The following FNIP1 variants were observed in gnomAD, a reference collection of about 807,000 sequenced individuals.
FNIP1 encodes folliculin-interacting protein 1.
In FNIP1, 40 loss-of-function variants were observed where a neutral mutation model predicts 124.5. That is an observed-to-expected ratio of 0.32 (90% confidence interval 0.25 to 0.42). The LOEUF (loss-of-function observed/expected upper bound fraction) is 0.42. Ranked by LOEUF, FNIP1 falls within the 10% of genes least tolerant of loss-of-function variation. The probability of loss-of-function intolerance (pLI) is 1.00; values close to 1 mark genes in which losing one functional copy is unlikely to be tolerated. For missense variants in FNIP1, 1,176 were observed against 1,403.7 expected, an observed-to-expected ratio of 0.84 and a Z score of 2.59; for synonymous variants, 472 against 470.6, an observed-to-expected ratio of 1.00 and a Z score of -0.04.
At chr5:131,676,091 G>C (rs927929146) in intron 13 of FNIP1, among the ~76,000 whole-genome samples, 6 of 150,312 alleles carry the variant, frequency 4.0e-5, no homozygotes, top group African/African-American at 1.5e-4. Context: ...GCATGATCTC[G>C]GCTCACTGCA....
At chr5:131,713,478 A>G (rs190211433) in intron 6 of FNIP1, among the ~76,000 whole-genome samples, 13 of 152,338 alleles carry the variant, frequency 8.5e-5, no homozygotes, top group African/African-American at 2.6e-4. Context: ...ATGATTCTCA[A>G]ATCCACAGAA....
chr5:131,723,662 G>C (rs1769749784), intron 3 of FNIP1, among the ~76,000 whole-genome samples: 1 of 152,070 alleles, frequency 6.6e-6, no homozygotes, highest in Admixed American at 6.5e-5. Context: ...GTTAAACCCT[G>C]TGTAACTCAA....
intron 11 of FNIP1, among the ~76,000 whole-genome samples, chr5:131,697,089 C>A (rs1768722372): frequency 6.6e-6 from 1 of 152,060 alleles, no homozygotes; most frequent in South Asian, 2.1e-4. Context: ...CCTGCAGTTA[C>A]ACAAACTAAA....
chr5:131,695,371 A>G (rs1768659184), intron 11 of FNIP1, among the ~76,000 whole-genome samples: 1 of 152,216 alleles, frequency 6.6e-6, no homozygotes, highest in Non-Finnish European at 1.5e-5. Context: ...CAAGAAATAG[A>G]CAATATAAGA....
chr5:131,721,826 C>A lies in FNIP1; in HGVS notation c.355-2409G>T, dbSNP rs556241135. On this transcript the variant is annotated intron_variant, in intron 3 of 17. Transcript: ENST00000510461. Reference sequence around the variant, plus strand: ...ATTATAATGTCTTGTTTCCAAAGAACCTCCTGATTAAAAAGTTATTCTCTT... The same window carrying A: ...ATTATAATGTCTTGTTTCCAAAGAAACTCCTGATTAAAAAGTTATTCTCTT... Among the ~76,000 whole-genome samples, 68 of 152,230 alleles carry A rather than the reference C, an allele frequency of 4.5e-4. 1 individual carries two copies. The highest frequency in any genetic ancestry group is 8.7e-4 in the Non-Finnish European group (59 of 67,990).
chr5:131,686,243 C>T (rs1484793669), intron 11 of FNIP1, among the ~76,000 whole-genome samples: 1 of 152,214 alleles, frequency 6.6e-6, no homozygotes, highest in African/African-American at 2.4e-5. Flanking sequence ...TCTGACATCC[C>T]TGCTAAGAGT....
chr5:131,687,892 G>C (rs1045092033), intron 11 of FNIP1, among the ~76,000 whole-genome samples: 4 of 152,150 alleles, frequency 2.6e-5, no homozygotes, highest in South Asian at 2.1e-4. Flanking sequence ...GGTTCGGACA[G>C]AGGTAGTGAC....
At chr5:131,649,461 T>C in intron 16 of FNIP1, among the ~76,000 whole-genome samples, 1 of 152,242 alleles carries the variant, frequency 6.6e-6, no homozygotes, top group Non-Finnish European at 1.5e-5. Flanking sequence ...ATATTTTCTT[T>C]GGCAAAACGT....
chr5:131,739,660 A>C (rs1427969157), intron 2 of FNIP1, among the ~76,000 whole-genome samples: 1 of 151,784 alleles, frequency 6.6e-6, no homozygotes, highest in Non-Finnish European at 1.5e-5. Flanking sequence ...AAAAATACAA[A>C]ACGTTAGCCG....
chr5:131,736,123 T>C (rs1290678309), intron 2 of FNIP1, among the ~76,000 whole-genome samples: 1 of 152,310 alleles, frequency 6.6e-6, no homozygotes, highest in East Asian at 1.9e-4. Context: ...GCTAACATAA[T>C]TGAAGTCAGG....
intron 1 of FNIP1, among the ~76,000 whole-genome samples, chr5:131,794,389 A>G (rs2149592961): frequency 6.6e-6 from 1 of 152,230 alleles, no homozygotes; most frequent in South Asian, 2.1e-4. Flanking sequence ...TGGTACAACT[A>G]TTTTGGAAAA....
Position 131,684,505 on chromosome 5 carries a change from TAATC to T in FNIP1, c.1203-5334_1203-5331del, listed in dbSNP as rs937207540. ...TATTTGCACAGCAACTGAAGCAAAA[TAATC>T]AAACAATACAAATGGAAAGGCACAT... On this transcript the variant is annotated intron_variant, in intron 11 of 17. Coordinates refer to ENST00000510461, the MANE Select transcript of FNIP1 (RefSeq NM_133372.3). Among the ~76,000 whole-genome samples the T allele has an allele frequency of 1.0e-3, 158 of 152,188 alleles. 1 individual carries two copies. Among genetic ancestry groups the T allele is most frequent in the African/African-American group, 3.6e-3 (151 of 41,524 alleles).
At chr5:131,711,154 C>T (rs911315173) in intron 6 of FNIP1, among the ~76,000 whole-genome samples, 5 of 152,184 alleles carry the variant, frequency 3.3e-5, no homozygotes, top group African/African-American at 1.2e-4. Context: ...AGAGATCTTA[C>T]TGACAAATTA....
intron 1 of FNIP1, among the ~76,000 whole-genome samples, chr5:131,781,653 C>T (rs184256333): frequency 3.3e-5 from 5 of 152,232 alleles, no homozygotes; most frequent in African/African-American, 1.2e-4. Flanking sequence ...TGAGACCTAC[C>T]GCTCAGAAAA....
rs541693426 is a variant in FNIP1 at position 131,685,811 on chromosome 5, A to G, written c.1203-6636T>C. On this transcript the variant is annotated intron_variant, in intron 11 of 17. Transcript: ENST00000510461. Reference sequence around the variant, plus strand: ...TCCTGCCTCACTCCAGTTAAAAAAAAAAAATTCCAACTGTAGATTAAATTT... The same window carrying G: ...TCCTGCCTCACTCCAGTTAAAAAAAGAAAATTCCAACTGTAGATTAAATTT... 4.6e-5 allele frequency among the ~76,000 whole-genome samples: 7 copies of G among 151,930 alleles called. No homozygotes were observed. In the South Asian group the frequency reaches 8.3e-4, roughly 18 times the overall value.
intron 11 of FNIP1, among the ~76,000 whole-genome samples, chr5:131,681,456 A>C (rs1768076704): frequency 6.6e-6 from 1 of 152,184 alleles, no homozygotes; most frequent in African/African-American, 2.4e-5. Context: ...GAAAGCCTCC[A>C]AGCAGAGAAA....
chr5:131,709,233 T>C lies in FNIP1; in HGVS notation c.746A>G (p.Asn249Ser), dbSNP rs201209029. The C allele has an allele frequency of 1.6e-5, 26 of 1,614,004 alleles. No individual in the cohort carries two copies. Among genetic ancestry groups the C allele is most frequent in the Middle Eastern group, 1.6e-4 (1 of 6,082 alleles). Residue 249 changes from asparagine to serine, a missense_variant, in exon 8 of 18, where the codon AAT becomes AGT. Transcript: ENST00000510461. ...NPMDMPGREL[N>S]EDRDSGIARS... ...TGCTATGCCACTGTCTCTGTCCTCA[T>C]TGAGCTCTCTTCCAGGCATGTCCAT...
intron 3 of FNIP1, among the ~76,000 whole-genome samples, chr5:131,722,155 C>T (rs1036789394): frequency 1.3e-5 from 2 of 152,086 alleles, no homozygotes; most frequent in Non-Finnish European, 2.9e-5. Context: ...TTGACACAGG[C>T]CTGGTCAGTA....
intron 1 of FNIP1, among the ~76,000 whole-genome samples, chr5:131,764,856 A>G (rs998516295): frequency 3.9e-5 from 6 of 152,102 alleles, no homozygotes; most frequent in Non-Finnish European, 7.4e-5. Context: ...AATGGCTGTT[A>G]TACTGCTCTA....
Sources: allele counts gnomAD v4.1 joint callset (sites outside exome capture counted in the v4.1 genomes callset), GRCh38; gene constraint gnomAD v4.1.1; transcripts MANE v1.5; gene names NCBI Gene and HGNC (gene_info 2026-07-23, HGNC 2026-07-21).